The following SMIM36 variants were observed in gnomAD, a reference collection of about 807,000 sequenced individuals.
SMIM36 encodes the protein small integral membrane protein 36.
chr17:55,527,469 C>T, the SMIM36 span, among the ~76,000 whole-genome samples: 24 of 151,904 alleles, frequency 1.6e-4, no homozygotes, highest in African/African-American at 5.8e-4. Context: ...ATGATCAGGT[C>T]GCTAGGCCTG....
intron 1 of SMIM36, among the ~76,000 whole-genome samples, chr17:55,480,402 T>G (rs1407221441): frequency 6.6e-6 from 1 of 152,152 alleles, no homozygotes; most frequent in Non-Finnish European, 1.5e-5. Context: ...AATGCTTAAG[T>G]GTCTAAGGAT....
chr17:55,496,342 A>G (rs1372772037), intron 1 of SMIM36, among the ~76,000 whole-genome samples: 2 of 152,168 alleles, frequency 1.3e-5, no homozygotes, highest in Admixed American at 6.5e-5. Context: ...GAACCAGCAG[A>G]TCCCAGCATA....
At chr17:55,487,867 C>G (rs1476894479) in intron 1 of SMIM36, among the ~76,000 whole-genome samples, 1 of 152,170 alleles carries the variant, frequency 6.6e-6, no homozygotes, top group Non-Finnish European at 1.5e-5. Flanking sequence ...GGAGTGCCGA[C>G]AGCCTTTGCT....
chr17:55,481,559 A>C (rs978116539), intron 1 of SMIM36, among the ~76,000 whole-genome samples: 2 of 152,190 alleles, frequency 1.3e-5, no homozygotes, highest in African/African-American at 4.8e-5. Flanking sequence ...AGGCTAGATT[A>C]AGTTCTGTAT....
intron 3 of SMIM36, among the ~76,000 whole-genome samples, chr17:55,469,183 C>T (rs994248273): frequency 2.6e-5 from 4 of 152,110 alleles, no homozygotes; most frequent in Admixed American, 6.6e-5. Context: ...TCCACTCCCC[C>T]ACCCTATAAT....
At chr17:55,515,640 A>G (rs6504971), upstream of SMIM36, among the ~76,000 whole-genome samples, 74,123 of 151,908 alleles carry the variant, frequency 0.49, 18,353 homozygotes, top group Middle Eastern at 0.51. Flanking sequence ...TCGGAGCGAG[A>G]CATCTTGCAA....
intron 1 of SMIM36, among the ~76,000 whole-genome samples, chr17:55,492,073 G>A (rs1352903240): frequency 4.0e-5 from 6 of 151,270 alleles, no homozygotes; most frequent in African/African-American, 9.7e-5. Context: ...GCAGGAGAAT[G>A]GCGTGAACCA....
In SMIM36 at chr17:55,483,517, C is replaced by G. The variant is rs556610044; in HGVS notation, c.*175-3937G>C. ...TGTGGGTGGGCCTCCTCTAGTCAGT[C>G]GAAAAGCTTAAGAGACGAGGACTGA... On this transcript the variant is annotated intron_variant, in intron 1 of 4. Coordinates refer to ENST00000636752, the Ensembl canonical transcript of SMIM36. Among the ~76,000 whole-genome samples, 3 of 152,266 alleles carry G rather than the reference C, an allele frequency of 2.0e-5. No individual in the cohort carries two copies. In the South Asian group the frequency reaches 6.2e-4, roughly 32 times the overall value.
Position 55,470,504 on chromosome 17 carries a change from T to C in SMIM36, c.*348-3176A>G, listed in dbSNP as rs142295650. 7.9e-5 allele frequency among the ~76,000 whole-genome samples: 12 copies of C among 152,308 alleles called. 1 individual carries two copies. Among genetic ancestry groups the C allele is most frequent in the African/African-American group, 2.9e-4 (12 of 41,550 alleles). ...TTGTGGATATTGATGGCCAGGCTTC[T>C]AAACCTCTTAAAACTCCCCAACTCT... On this transcript the variant is annotated intron_variant, in intron 3 of 4. Transcript: ENST00000636752.
intron 4 of SMIM36, among the ~76,000 whole-genome samples, chr17:55,464,072 G>A (rs1909192846): frequency 6.6e-6 from 1 of 151,948 alleles, no homozygotes; most frequent in South Asian, 2.1e-4. Flanking sequence ...CTGAGATCAC[G>A]CCACTGCACT....
At chr17:55,450,489 A>G (rs935866657) in intron 4 of SMIM36, among the ~76,000 whole-genome samples, 191 bp from the exon 5 acceptor site, 1 of 152,216 alleles carries the variant, frequency 6.6e-6, no homozygotes, top group Non-Finnish European at 1.5e-5. Context: ...CATCAGAAGC[A>G]TAGAACATGG....
intron 1 of SMIM36, among the ~76,000 whole-genome samples, chr17:55,500,588 A>G (rs1909891257): frequency 6.6e-6 from 1 of 151,506 alleles, no homozygotes; most frequent in South Asian, 2.1e-4. Flanking sequence ...CGTCTATTCC[A>G]ACACTCTCTT....
At chr17:55,501,007 T>TAATA (rs1567870711) in intron 1 of SMIM36, among the ~76,000 whole-genome samples, 8 of 9,616 alleles carry the variant, frequency 8.3e-4, no homozygotes, top group Non-Finnish European at 1.2e-3. Flanking sequence ...ATGTAACATA[T>TAATA]TATTATATTT....
At chr17:55,504,373 A>C (rs376018758) in intron 1 of SMIM36, among the ~76,000 whole-genome samples, 3 of 66,284 alleles carry the variant, frequency 4.5e-5, no homozygotes, top group Non-Finnish European at 7.1e-5. Context: ...ATAACAAACT[A>C]TCTCTCAGAC....
chr17:55,480,734 C>T (rs555543044), intron 1 of SMIM36, among the ~76,000 whole-genome samples: 1 of 152,294 alleles, frequency 6.6e-6, no homozygotes, highest in Non-Finnish European at 1.5e-5. Flanking sequence ...CTTTCAGTTT[C>T]CCCATAGGAG....
the SMIM36 span, among the ~76,000 whole-genome samples, chr17:55,521,751 G>C: frequency 1.3e-5 from 2 of 152,156 alleles, no homozygotes; most frequent in African/African-American, 2.4e-5. Context: ...AAAGCAATCC[G>C]GAGAGGGAGG....
At chr17:55,513,724 A>T (rs1910221033), upstream of SMIM36, among the ~76,000 whole-genome samples, 1 of 152,228 alleles carries the variant, frequency 6.6e-6, no homozygotes, top group African/African-American at 2.4e-5. Flanking sequence ...AGGATTGGTT[A>T]AAATTGACTC....
chr17:55,476,571 T>TC (rs1909430294), intron 3 of SMIM36, among the ~76,000 whole-genome samples: 1 of 151,814 alleles, frequency 6.6e-6, no homozygotes, highest in Non-Finnish European at 1.5e-5. Context: ...GTCACTATTT[T>TC]TTTTTTTTGT....
At chr17:55,512,811 A>T (rs1910204852), upstream of SMIM36, among the ~76,000 whole-genome samples, 1 of 152,220 alleles carries the variant, frequency 6.6e-6, no homozygotes, top group Admixed American at 6.5e-5. Context: ...CCAATAGCTA[A>T]TAGGACTTTT....
Sources: gnomAD v4.1 joint callset for allele counts (sites outside exome capture counted in the v4.1 genomes callset) on GRCh38, gnomAD v4.1.1 for gene constraint, MANE v1.5 for transcripts, NCBI Gene and HGNC (gene_info 2026-07-23, HGNC 2026-07-21) for gene names.